The following IYD variants were observed in gnomAD, a reference collection of about 807,000 sequenced individuals.
IYD encodes the protein iodotyrosine deiodinase 1.
Under a neutral mutation model 28.4 loss-of-function variants are expected in IYD, and 25 were observed. The observed-to-expected ratio is 0.88, with a 90% CI of 0.64 to 1.23. The LOEUF is 1.23. Among genes scored for constraint, IYD ranks in the 50% most tolerant of loss-of-function variants. The pLI, the probability that IYD is intolerant of heterozygous loss-of-function variation, is 0.00. For synonymous variants in IYD, 140 were observed against 130.8 expected (o/e 1.07, Z -0.48); for missense variants, 352 against 357.9 (o/e 0.98, Z 0.13).
intron 1 of IYD, among the ~76,000 whole-genome samples, chr6:150,381,878 T>C (rs1439951860): frequency 1.3e-5 from 2 of 152,264 alleles, no homozygotes; most frequent in Non-Finnish European, 2.9e-5. Flanking sequence ...CAATTTATTC[T>C]ACTGTTGATG....
At chr6:150,373,814 G>A (rs1777353936) in intron 1 of IYD, among the ~76,000 whole-genome samples, 1 of 152,204 alleles carries the variant, frequency 6.6e-6, no homozygotes, top group Non-Finnish European at 1.5e-5. Flanking sequence ...ACTATGGGAA[G>A]CAATGCAATC....
At chr6:150,382,501 A>C (rs1378642333) in intron 1 of IYD, among the ~76,000 whole-genome samples, 1 of 152,114 alleles carries the variant, frequency 6.6e-6, no homozygotes, top group Non-Finnish European at 1.5e-5. Flanking sequence ...TTTTTCAACA[A>C]TTTTGGAAAA....
intron 1 of IYD, among the ~76,000 whole-genome samples, chr6:150,387,883 T>C (rs1269142460): frequency 2.0e-5 from 3 of 152,186 alleles, no homozygotes; most frequent in Middle Eastern, 6.8e-3. Context: ...TCCTGTACCC[T>C]ACAGATTTAT....
intron 1 of IYD, among the ~76,000 whole-genome samples, chr6:150,376,400 G>A (rs1352977411): frequency 6.6e-6 from 1 of 152,176 alleles, no homozygotes; most frequent in Non-Finnish European, 1.5e-5. Flanking sequence ...TGAGGGGATG[G>A]TGGGAGTGTG....
chr6:150,375,381 T>A (rs1366502487), intron 1 of IYD, among the ~76,000 whole-genome samples: 1 of 152,152 alleles, frequency 6.6e-6, no homozygotes, highest in Non-Finnish European at 1.5e-5. Context: ...TCCACTGCAT[T>A]ATGGGAGTCT....
intron 1 of IYD, among the ~76,000 whole-genome samples, chr6:150,384,074 A>T (rs1777768238): frequency 6.6e-6 from 1 of 152,158 alleles, no homozygotes; most frequent in Admixed American, 6.6e-5. Flanking sequence ...TAGGACACAA[A>T]CACATGCACA....
At position 150,392,442 on chromosome 6, in the gene IYD, AGAG is replaced by A. The variant is rs1371541181; in HGVS notation, c.472_474del (p.Glu158del). On this transcript the variant is annotated inframe_deletion, in exon 3 of 5. Transcript: ENST00000344419. ...AGATTCGAAAGATCATTGAGGAGGA[AGAG>A]GAGATCAACTACATGAAAAGGATGG... 2.0e-5 allele frequency: 33 copies of A among 1,613,864 alleles called. 1 individual carries two copies. The highest frequency in any genetic ancestry group is 2.8e-5 in the Non-Finnish European group (33 of 1,179,864).
chr6:150,375,226 A>T (rs1278483444), intron 1 of IYD, among the ~76,000 whole-genome samples: 1 of 152,182 alleles, frequency 6.6e-6, no homozygotes, highest in Non-Finnish European at 1.5e-5. Context: ...ACAGGAGGAA[A>T]CCTTAAATCC....
chr6:150,379,964 T>G (rs1777588559), intron 1 of IYD, among the ~76,000 whole-genome samples: 1 of 152,212 alleles, frequency 6.6e-6, no homozygotes, highest in African/African-American at 2.4e-5. Context: ...GTTAGAATAA[T>G]TTTGTATGGC....
At chr6:150,381,995 A>G (rs1420132738) in intron 1 of IYD, among the ~76,000 whole-genome samples, 1 of 152,224 alleles carries the variant, frequency 6.6e-6, no homozygotes, top group Non-Finnish European at 1.5e-5. Flanking sequence ...TGTGCAAGCA[A>G]TTGCAGAGTC....
chr6:150,396,311 C>T, intron 4 of IYD: 2 of 437,022 alleles, frequency 4.6e-6, no homozygotes, highest in East Asian at 7.2e-5. Context: ...CAATCCTTGG[C>T]CCTTTGGGGG....
chr6:150,392,143 C>G (rs766469706), intron 2 of IYD: 1 of 200,468 alleles, frequency 5.0e-6, no homozygotes, highest in South Asian at 1.7e-4. Flanking sequence ...ATCCTCCCAC[C>G]TCTACCTCCC....
At chr6:150,370,645 G>A (rs908996447) in intron 1 of IYD, 4 of 985,276 alleles carry the variant, frequency 4.1e-6, no homozygotes, top group African/African-American at 1.7e-5. Context: ...TTAATCCAGG[G>A]AACATCTGCT....
intron 3 of IYD, 129 bp downstream of exon 3, chr6:150,392,633 C>A (rs672766): frequency 1.0e-6 from 1 of 976,100 alleles, no homozygotes; most frequent in South Asian, 1.4e-5. Context: ...GGAGGAATTA[C>A]GGAAGTTAAG....
Position 150,394,210 on chromosome 6 carries a change from G to T in IYD, c.642G>T (p.Glu214Asp), listed in dbSNP as rs763024399. ...AGAAAAAAGTCCACTACTACAATGA[G>T]ATCAGTGTTTCCATCGCTTGTGGCA... ...NGKKKVHYYN[E>D]ISVSIACGIL... The change falls in exon 4 of 5, where the codon GAG becomes GAT. Residue 214 changes from glutamate (E) to aspartate (D), a missense_variant. Coordinates refer to ENST00000344419, the MANE Select transcript of IYD (RefSeq NM_203395.3). 4.3e-6 allele frequency: 7 copies of T among 1,614,112 alleles called. No individual in the cohort carries two copies. The highest frequency in any genetic ancestry group is 2.7e-5 in the African/African-American group (2 of 74,934).
At chr6:150,395,803 C>G in intron 4 of IYD, 1 of 621,140 alleles carries the variant, frequency 1.6e-6, no homozygotes, top group South Asian at 1.9e-5. Flanking sequence ...ATTGGAAAAG[C>G]TGGAGAGGGG....
chr6:150,392,979 T>C (rs185477140), intron 3 of IYD, among the ~76,000 whole-genome samples: 18 of 152,234 alleles, frequency 1.2e-4, no homozygotes, highest in Admixed American at 7.2e-4. Flanking sequence ...CCTCAACAAA[T>C]GCAGCCCTCG....
intron 1 of IYD, among the ~76,000 whole-genome samples, chr6:150,382,975 A>G (rs1334707187): frequency 6.6e-6 from 1 of 152,134 alleles, no homozygotes; most frequent in East Asian, 1.9e-4. Context: ...CTTATTCATA[A>G]CTTTGTGTTT....
At chr6:150,370,221 G>GTT (rs1562307359) in intron 1 of IYD, among the ~76,000 whole-genome samples, 1 of 146,266 alleles carries the variant, frequency 6.8e-6, no homozygotes, top group Non-Finnish European at 1.5e-5. Context: ...GTGTGTGCGC[G>GTT]TGCGTGTGTG....
Sources: allele counts gnomAD v4.1 joint callset (sites outside exome capture counted in the v4.1 genomes callset), GRCh38; gene constraint gnomAD v4.1.1; transcripts MANE v1.5; gene names NCBI Gene and HGNC (gene_info 2026-07-23, HGNC 2026-07-21).